The following KIAA1328 variants were observed in gnomAD, a reference collection of about 807,000 sequenced individuals.
KIAA1328 encodes the protein protein hinderin.
In KIAA1328, 52 loss-of-function variants were observed where a neutral mutation model predicts 68.1. That is an observed-to-expected ratio of 0.76 (90% CI 0.61 to 0.96). The LOEUF (loss-of-function observed/expected upper bound fraction) is 0.96, where lower values mean the gene tolerates loss of function less well. Ranked by LOEUF, KIAA1328 falls within the 40% of genes least tolerant of loss-of-function variation. The pLI is 0.00. For synonymous variants in KIAA1328, 232 were observed against 239.4 expected (o/e 0.97, Z 0.28); for missense variants, 641 against 677.6 (o/e 0.95, Z 0.60).
chr18:37,028,718 G>A (rs2054698550), intron 6 of KIAA1328, among the ~76,000 whole-genome samples: 2 of 151,882 alleles, frequency 1.3e-5, no homozygotes, highest in East Asian at 1.9e-4. Flanking sequence ...AGTTGTTGAG[G>A]GTTTTTAAGA....
chr18:37,050,828 T>C (rs997745892), intron 6 of KIAA1328, among the ~76,000 whole-genome samples: 1 of 152,220 alleles, frequency 6.6e-6, no homozygotes, highest in African/African-American at 2.4e-5. Context: ...AGTCTGTTCA[T>C]TGATAGCTGA....
At chr18:36,917,037 T>G (rs2049732163) in intron 5 of KIAA1328, among the ~76,000 whole-genome samples, 1 of 151,754 alleles carries the variant, frequency 6.6e-6, no homozygotes, top group African/African-American at 2.4e-5. Context: ...AGCATCAGAG[T>G]CCACTGGGTT....
In KIAA1328 at chr18:37,225,078, C is replaced by T; in HGVS notation, c.*2851C>T. 1.0e-6 allele frequency: 1 copy of T among 985,372 alleles called. No homozygotes were observed. Among genetic ancestry groups the T allele is most frequent in the Non-Finnish European group, 1.2e-6 (1 of 829,926 alleles). 61.0% of individuals were successfully genotyped at this position (985,372 alleles called of 1,614,324 possible). A position where few individuals can be genotyped will look rare whatever the true frequency, so the allele number is the denominator to read the frequency against. On this transcript the variant is annotated 3_prime_UTR_variant, in exon 10 of 10. Coordinates refer to ENST00000280020, the MANE Select transcript of KIAA1328 (RefSeq NM_020776.3). ...GGGGAGAGAGGGACTCTTTCTGCTC[C>T]CTCAGAGCTACTCTTCACTTGTCCC...
At chr18:37,072,480 T>G (rs975033206) in intron 7 of KIAA1328, among the ~76,000 whole-genome samples, 1 of 152,198 alleles carries the variant, frequency 6.6e-6, no homozygotes, top group Non-Finnish European at 1.5e-5. Flanking sequence ...CATGGATTTC[T>G]TTATCCTATA....
intron 7 of KIAA1328, among the ~76,000 whole-genome samples, chr18:37,094,986 G>T (rs1165658753): frequency 6.6e-6 from 1 of 151,658 alleles, no homozygotes; most frequent in African/African-American, 2.4e-5. Context: ...GAAAAACAAG[G>T]TCATTAGATT....
At chr18:36,994,768 T>G (rs932587287) in intron 6 of KIAA1328, among the ~76,000 whole-genome samples, 1 of 152,180 alleles carries the variant, frequency 6.6e-6, no homozygotes, top group African/African-American at 2.4e-5. Flanking sequence ...TAAAGCATAC[T>G]GTCTCCTTCT....
At chr18:37,180,885 A>G (rs750980603) in intron 9 of KIAA1328, among the ~76,000 whole-genome samples, 4 of 152,252 alleles carry the variant, frequency 2.6e-5, no homozygotes, top group Non-Finnish European at 4.4e-5. Context: ...GATGGTGGCT[A>G]TTATTCGTTA....
At chr18:36,885,501 G>T in intron 4 of KIAA1328, 56 bp from the exon 5 acceptor site, 1 of 978,548 alleles carries the variant, frequency 1.0e-6, no homozygotes, top group Non-Finnish European at 1.5e-6. Flanking sequence ...GCAGCTGTAG[G>T]CACATATTTA....
At chr18:36,861,711 C>T (rs903575288) in intron 4 of KIAA1328, among the ~76,000 whole-genome samples, 1 of 152,064 alleles carries the variant, frequency 6.6e-6, no homozygotes, top group Non-Finnish European at 1.5e-5. Flanking sequence ...AGCTCTGTTG[C>T]CCAGGCTGAA....
At chr18:37,095,368 C>T (rs2057375575) in intron 7 of KIAA1328, among the ~76,000 whole-genome samples, 1 of 152,104 alleles carries the variant, frequency 6.6e-6, no homozygotes, top group South Asian at 2.1e-4. Flanking sequence ...ATATCAACAT[C>T]ATATGAAATA....
rs1368878434 is a variant in KIAA1328 at position 36,886,561 on chromosome 18, G to A, written c.448+889G>A. Among the ~76,000 whole-genome samples the A allele has an allele frequency of 2.6e-5, 4 of 151,746 alleles. No homozygotes were observed. The East Asian group carries it at 7.7e-4, about 29-fold the overall frequency. ...ATAGCATTATTTGTAAGAAGATAAA[G>A]TAAAAACATATTTTAGGGGTGTGTT... is the stretch of plus-strand genomic sequence containing the variant. On this transcript the variant is annotated intron_variant, in intron 5 of 9. Transcript: ENST00000280020.
chr18:36,929,310 A>G (rs6507184), intron 5 of KIAA1328, among the ~76,000 whole-genome samples: 90,635 of 152,058 alleles, frequency 0.6, 28,871 homozygotes, highest in East Asian at 0.87. Context: ...AACTGCAGAC[A>G]CTGAGATAGG....
intron 4 of KIAA1328, among the ~76,000 whole-genome samples, chr18:36,849,008 T>C (rs1268647891): frequency 6.6e-6 from 1 of 151,908 alleles, no homozygotes; most frequent in African/African-American, 2.4e-5. Flanking sequence ...AATATCTTAG[T>C]ATATTTTAAT....
At chr18:37,104,434 A>T (rs1344364961) in intron 7 of KIAA1328, among the ~76,000 whole-genome samples, 1 of 152,034 alleles carries the variant, frequency 6.6e-6, no homozygotes, top group Non-Finnish European at 1.5e-5. Flanking sequence ...ATACTGCATG[A>T]TATCACTCAT....
intron 4 of KIAA1328, among the ~76,000 whole-genome samples, chr18:36,866,767 A>G (rs143933573): frequency 6.6e-6 from 1 of 152,330 alleles, no homozygotes; most frequent in East Asian, 1.9e-4. Flanking sequence ...ACATCTTTTC[A>G]GAAAATAATA....
At chr18:36,851,613 T>A (rs949462424) in intron 4 of KIAA1328, among the ~76,000 whole-genome samples, 2 of 152,164 alleles carry the variant, frequency 1.3e-5, no homozygotes, top group Non-Finnish European at 2.9e-5. Flanking sequence ...TAGTATTCTC[T>A]TATAATACTT....
intron 4 of KIAA1328, among the ~76,000 whole-genome samples, chr18:36,848,077 A>G (rs1361565694): frequency 6.6e-6 from 1 of 151,684 alleles, no homozygotes; most frequent in Non-Finnish European, 1.5e-5. Context: ...ATTTCACTGT[A>G]AATTTTAGAA....
At chr18:37,148,491 C>T (rs922976740) in intron 7 of KIAA1328, among the ~76,000 whole-genome samples, 1 of 152,106 alleles carries the variant, frequency 6.6e-6, no homozygotes, top group African/African-American at 2.4e-5. Context: ...TGGGTATATA[C>T]CCAGTAATGG....
At chr18:37,072,070 G>A (rs1245010050) in intron 7 of KIAA1328, among the ~76,000 whole-genome samples, 1 of 152,048 alleles carries the variant, frequency 6.6e-6, no homozygotes, top group Non-Finnish European at 1.5e-5. Flanking sequence ...AGTGAAGAGA[G>A]GAAAAATCTA....
Sources: allele counts gnomAD v4.1 joint callset (sites outside exome capture counted in the v4.1 genomes callset), GRCh38; gene constraint gnomAD v4.1.1; transcripts MANE v1.5; gene names NCBI Gene and HGNC (gene_info 2026-07-23, HGNC 2026-07-21).